The following CMSS1 variants were observed in gnomAD, a reference collection of about 807,000 sequenced individuals.
CMSS1 encodes the protein protein CMSS1.
Under a neutral mutation model 43.5 loss-of-function variants are expected in CMSS1, and 33 were observed. The ratio of observed to expected loss-of-function variants is 0.76; its 90% CI spans 0.57 to 1.01. CMSS1 has a LOEUF of 1.01. Ranked by LOEUF, CMSS1 falls within the 50% of genes least tolerant of loss-of-function variation. The pLI, the probability that CMSS1 is intolerant of heterozygous loss-of-function variation, is 0.00. For missense variants in CMSS1, 313 were observed against 326.4 expected, an observed-to-expected ratio of 0.96 and a Z score of 0.32; for synonymous variants, 115 against 117.2, an observed-to-expected ratio of 0.98 and a Z score of 0.12.
chr3:100,171,754 A>C, intron 6 of CMSS1, 85 bp from the exon 7 acceptor site: 1 of 1,083,290 alleles, frequency 9.2e-7, no homozygotes, highest in Non-Finnish European at 1.4e-6. Flanking sequence ...CATCCTTTGA[A>C]TAAAGCAAGA....
intron 3 of CMSS1, 113 bp from the exon 4 acceptor site, chr3:100,162,190 C>T: frequency 1.3e-6 from 1 of 792,222 alleles, no homozygotes; most frequent in South Asian, 2.1e-5. Flanking sequence ...CACATTCACA[C>T]TTGGCTAACA....
chr3:99,821,142 A>G (rs2107473909), intron 1 of CMSS1, among the ~76,000 whole-genome samples: 1 of 152,306 alleles, frequency 6.6e-6, no homozygotes, highest in Non-Finnish European at 1.5e-5. Flanking sequence ...TATGTAACAA[A>G]GTTTTCATGG....
chr3:99,931,828 T>G (rs1707491453), intron 1 of CMSS1, among the ~76,000 whole-genome samples: 1 of 152,154 alleles, frequency 6.6e-6, no homozygotes. Flanking sequence ...CCAAATGAAT[T>G]TATAATAGGA....
intron 1 of CMSS1, among the ~76,000 whole-genome samples, chr3:99,910,112 A>G (rs1706746042): frequency 7.3e-6 from 1 of 136,074 alleles, no homozygotes; most frequent in Non-Finnish European, 1.7e-5. Context: ...GATGTCCAGA[A>G]CCTGTGAAAT....
intron 1 of CMSS1, among the ~76,000 whole-genome samples, chr3:99,887,140 G>A (rs1242649464): frequency 4.0e-5 from 6 of 151,322 alleles, no homozygotes; most frequent in African/African-American, 1.2e-4. Context: ...GCATGGTGGC[G>A]TGCCTGTAAT....
chr3:100,060,913 CT>C (rs1429393152), intron 1 of CMSS1, among the ~76,000 whole-genome samples: 5 of 152,120 alleles, frequency 3.3e-5, no homozygotes, highest in Non-Finnish European at 7.4e-5. Flanking sequence ...CCATACAGAT[CT>C]ATCAATGGCC....
At chr3:99,974,543 C>A (rs1391072137) in intron 1 of CMSS1, among the ~76,000 whole-genome samples, 1 of 152,078 alleles carries the variant, frequency 6.6e-6, no homozygotes, top group African/African-American at 2.4e-5. Flanking sequence ...AACCCCGTCT[C>A]TACTAAAAAT....
At chr3:100,056,016 G>T (rs1559741702) in intron 1 of CMSS1, among the ~76,000 whole-genome samples, 1 of 152,162 alleles carries the variant, frequency 6.6e-6, no homozygotes, top group African/African-American at 2.4e-5. Flanking sequence ...TAGTTGATCT[G>T]GTTGGGGAAA....
chr3:100,152,546 C>T (rs2066928801), intron 2 of CMSS1, among the ~76,000 whole-genome samples: 1 of 152,174 alleles, frequency 6.6e-6, no homozygotes, highest in South Asian at 2.1e-4. Flanking sequence ...ATTTAAAGCG[C>T]TCCTATGTGA....
intron 1 of CMSS1, among the ~76,000 whole-genome samples, chr3:99,846,994 A>C (rs1371239530): frequency 6.6e-6 from 1 of 152,192 alleles, no homozygotes; most frequent in Non-Finnish European, 1.5e-5. Flanking sequence ...AGAAGTATGG[A>C]TTATCCCCAG....
chr3:99,992,250 T>C (rs1709545845), intron 1 of CMSS1, among the ~76,000 whole-genome samples: 1 of 152,182 alleles, frequency 6.6e-6, no homozygotes, highest in East Asian at 1.9e-4. Context: ...CTCCACACTG[T>C]TTTGCATAAA....
At chr3:100,078,288 A>G (rs2065880274) in intron 1 of CMSS1, among the ~76,000 whole-genome samples, 1 of 152,226 alleles carries the variant, frequency 6.6e-6, no homozygotes, top group Non-Finnish European at 1.5e-5. Flanking sequence ...GCACCCTTGC[A>G]TTTTAGCCAA....
intron 1 of CMSS1, chr3:99,851,060 G>T (rs1159797223): frequency 3.2e-6 from 5 of 1,584,348 alleles, no homozygotes; most frequent in South Asian, 1.2e-5. Flanking sequence ...TGATCAATTA[G>T]CTTCTTTAAT....
intron 1 of CMSS1, among the ~76,000 whole-genome samples, chr3:100,063,493 T>TA (rs913873834): frequency 8.6e-5 from 13 of 151,994 alleles, no homozygotes; most frequent in African/African-American, 1.2e-4. Flanking sequence ...GAATTTACTT[T>TA]AAAAAAAAGA....
At chr3:100,138,360 A>G (rs1000714111) in intron 1 of CMSS1, among the ~76,000 whole-genome samples, 1 of 152,360 alleles carries the variant, frequency 6.6e-6, no homozygotes, top group Admixed American at 6.5e-5. Context: ...ATTAAACTAA[A>G]GAGCTTCTGC....
At chr3:100,157,675 A>G (rs544538322) in intron 2 of CMSS1, among the ~76,000 whole-genome samples, 6 of 152,322 alleles carry the variant, frequency 3.9e-5, no homozygotes, top group Non-Finnish European at 7.4e-5. Context: ...GGCAAGCCTC[A>G]GCCTCTGCCC....
At chr3:99,878,131 C>CA (rs1705597883) in intron 1 of CMSS1, among the ~76,000 whole-genome samples, 1 of 152,198 alleles carries the variant, frequency 6.6e-6, no homozygotes, top group South Asian at 2.1e-4. Context: ...TGCCTGGTTA[C>CA]ATTACTAATG....
At chr3:99,949,775 T>C (rs1210323676) in intron 1 of CMSS1, among the ~76,000 whole-genome samples, 1 of 152,240 alleles carries the variant, frequency 6.6e-6, no homozygotes, top group Non-Finnish European at 1.5e-5. Flanking sequence ...TTTTACTTTT[T>C]GGTCTTCTAA....
At chr3:99,830,186 G>T (rs1159109818) in intron 1 of CMSS1, 1 of 256,900 alleles carries the variant, frequency 3.9e-6, no homozygotes, top group African/African-American at 2.2e-5. Flanking sequence ...TGAGGAAATG[G>T]GTAGATTTGG....
Sources: gnomAD v4.1 joint callset for allele counts (sites outside exome capture counted in the v4.1 genomes callset) on GRCh38, gnomAD v4.1.1 for gene constraint, MANE v1.5 for transcripts, NCBI Gene and HGNC (gene_info 2026-07-23, HGNC 2026-07-21) for gene names.